CCDC60: variants seen among roughly 807,000 people sequenced by gnomAD.
CCDC60 encodes coiled-coil domain containing 60.
CCDC60 carries 54 observed loss-of-function variants against 63.5 expected under a neutral mutation model. The ratio of observed to expected loss-of-function variants is 0.85; its 90% CI spans 0.68 to 1.07. The LOEUF (loss-of-function observed/expected upper bound fraction) is 1.07, where lower values mean the gene tolerates loss of function less well. Ranked by LOEUF, CCDC60 falls within the 50% of genes least tolerant of loss-of-function variation. The pLI is 0.00. For synonymous variants in CCDC60, 206 were observed against 238.8 expected (o/e 0.86, Z 1.27); for missense variants, 651 against 684.3 (o/e 0.95, Z 0.54).
chr12:119,530,857 T>C lies in CCDC60; in HGVS notation c.1362-17T>C. On this transcript the variant is annotated splice_polypyrimidine_tract_variant and intron_variant, in intron 12 of 13. Transcript: ENST00000327554. The stretch of plus-strand genomic sequence containing the variant: ...TCCAGCAGCTTCCTAACTTGTCCTC[T>C]CCTTTTGGAATTGAAGGTACTTTGA... The C allele has an allele frequency of 6.2e-7, 1 of 1,607,424 alleles. No homozygotes were observed. The highest frequency in any genetic ancestry group is 8.5e-7 in the Non-Finnish European group (1 of 1,176,316).
intron 1 of CCDC60, among the ~76,000 whole-genome samples, chr12:119,403,234 T>C (rs926612898): frequency 2.0e-5 from 3 of 152,086 alleles, no homozygotes; most frequent in Non-Finnish European, 4.4e-5. Flanking sequence ...CTCAGACTCA[T>C]GAAAAAATAA....
intron 13 of CCDC60, among the ~76,000 whole-genome samples, chr12:119,537,282 T>C (rs1953030577): frequency 6.6e-6 from 1 of 152,208 alleles, no homozygotes; most frequent in Non-Finnish European, 1.5e-5. Flanking sequence ...GGTCTTCTCT[T>C]CACTGTTTAT....
chr12:119,399,781 T>C (rs1956355038), intron 1 of CCDC60, among the ~76,000 whole-genome samples: 1 of 152,208 alleles, frequency 6.6e-6, no homozygotes, highest in Non-Finnish European at 1.5e-5. Context: ...GGCATCCAGC[T>C]TAGCCAACTA....
intron 6 of CCDC60, among the ~76,000 whole-genome samples, chr12:119,500,633 C>A (rs777111743): frequency 8.1e-5 from 12 of 147,650 alleles, no homozygotes; most frequent in Non-Finnish European, 8.9e-5. Flanking sequence ...GCAGGAGGAT[C>A]GCTTGAGCCC....
chr12:119,459,029 C>G (rs550355555), intron 2 of CCDC60, among the ~76,000 whole-genome samples: 1 of 152,308 alleles, frequency 6.6e-6, no homozygotes, highest in East Asian at 1.9e-4. Context: ...AAGTGGATTA[C>G]AGGCGTGAAC....
intron 2 of CCDC60, among the ~76,000 whole-genome samples, chr12:119,467,279 G>A (rs1950970358): frequency 6.6e-6 from 1 of 152,240 alleles, no homozygotes; most frequent in African/African-American, 2.4e-5. Flanking sequence ...GGGCATGCCT[G>A]CCCTGCATCA....
intron 8 of CCDC60, among the ~76,000 whole-genome samples, chr12:119,518,249 A>G (rs562077489): frequency 1.2e-4 from 18 of 152,316 alleles, no homozygotes; most frequent in Non-Finnish European, 1.3e-4. Flanking sequence ...CATCAGCTCA[A>G]TGAGGCTCCT....
At chr12:119,494,033 G>A (rs697892) in intron 5 of CCDC60, among the ~76,000 whole-genome samples, 16,788 of 152,194 alleles carry the variant, frequency 0.11, 1,352 homozygotes, top group Non-Finnish European at 0.17. Flanking sequence ...TTTCTGTCAT[G>A]CTTTGCTACC....
rs144644854 is a variant in CCDC60 at position 119,533,332 on chromosome 12, G to A, written c.1551+2269G>A. Among the ~76,000 whole-genome samples the A allele has an allele frequency of 3.9e-4, 59 of 152,190 alleles. No individual in the cohort carries two copies. The East Asian group carries it at 0.011, about 29-fold the overall frequency. ...TCTAGATATTAGCCCTTTGTCAGAT[G>A]GGTAGATTGCAAAAATTTTCTCCCA... On this transcript the variant is annotated intron_variant, in intron 13 of 13. Transcript: ENST00000327554.
In CCDC60 at chr12:119,372,103, C is replaced by CA. The variant is rs1004506848; in HGVS notation, c.90+36844dup. ...TGAAACCCCATCTCTACTAAAAATA[C>CA]AAAAAAATTAGCCGGGTATGGTGGA... On this transcript the variant is annotated intron_variant, in intron 1 of 13. Transcript: ENST00000327554. 3.3e-5 allele frequency among the ~76,000 whole-genome samples: 5 copies of CA among 151,938 alleles called. No individual in the cohort carries two copies. In the South Asian group the frequency reaches 8.3e-4, roughly 25 times the overall value.
intron 2 of CCDC60, among the ~76,000 whole-genome samples, chr12:119,430,340 A>C (rs1348778322): frequency 6.6e-6 from 1 of 152,162 alleles, no homozygotes; most frequent in Non-Finnish European, 1.5e-5. Flanking sequence ...TTGGTGAAAG[A>C]GGAAGCGACA....
chr12:119,433,593 G>A, intron 2 of CCDC60: 1 of 702,340 alleles, frequency 1.4e-6, no homozygotes, highest in Non-Finnish European at 2.6e-6. Flanking sequence ...CAAACTCCCT[G>A]ACCCCATATC....
At position 119,508,065 on chromosome 12, in the gene CCDC60, G is replaced by A. The variant is rs146184820; in HGVS notation, c.883+2762G>A. Among the ~76,000 whole-genome samples, 81 of 152,164 alleles carry A rather than the reference G, an allele frequency of 5.3e-4. No homozygotes were observed. The East Asian group carries it at 0.011, about 21-fold the overall frequency. On this transcript the variant is annotated intron_variant, in intron 7 of 13. Transcript: ENST00000327554. ...ACATGCCTGTAGTCCTAGCTACTTG[G>A]GAGGCTGAGGTCGGGGGATCACTTG...
intron 9 of CCDC60, among the ~76,000 whole-genome samples, chr12:119,520,451 C>T (rs1156646538): frequency 2.0e-5 from 3 of 151,848 alleles, no homozygotes; most frequent in African/African-American, 7.3e-5. Flanking sequence ...GGACGCGGTA[C>T]AAGACTATGT....
chr12:119,471,864 TTC>T (rs1951066279), intron 2 of CCDC60, 128 bp from the exon 3 acceptor site: 2 of 662,764 alleles, frequency 3.0e-6, no homozygotes, highest in South Asian at 5.2e-5. Flanking sequence ...ACCTGTTTCT[TTC>T]TCTCTATCCC....
chr12:119,391,302 C>G (rs955531881), intron 1 of CCDC60, among the ~76,000 whole-genome samples: 1 of 152,222 alleles, frequency 6.6e-6, no homozygotes, highest in Non-Finnish European at 1.5e-5. Context: ...ATGCCATCCA[C>G]GTCTGGGTGC....
chr12:119,394,566 C>G (rs945879207), intron 1 of CCDC60, among the ~76,000 whole-genome samples: 3 of 152,172 alleles, frequency 2.0e-5, no homozygotes, highest in Non-Finnish European at 4.4e-5. Context: ...ATGAATACCC[C>G]CATGGATGCA....
Position 119,410,805 on chromosome 12 carries a change from C to T in CCDC60, c.91-17878C>T, listed in dbSNP as rs750517369. 5.3e-5 allele frequency among the ~76,000 whole-genome samples: 8 copies of T among 152,128 alleles called. No individual in the cohort carries two copies. The highest frequency in any genetic ancestry group is 1.0e-4 in the Non-Finnish European group (7 of 68,032). The stretch of plus-strand genomic sequence containing the variant: ...TCACTCGGGCTGCAGTGCGGTGGCG[C>T]GATCTCAGCTCACTGCAGCCTCTGC... On this transcript the variant is annotated intron_variant, in intron 1 of 13. Transcript: ENST00000327554. The surrounding 1 kb of genome is among the most constrained non-coding windows in gnomAD (Gnocchi z 4.0).
At chr12:119,481,648 T>C (rs1951320926) in intron 4 of CCDC60, among the ~76,000 whole-genome samples, 1 of 152,016 alleles carries the variant, frequency 6.6e-6, no homozygotes, top group African/African-American at 2.4e-5. Context: ...ACAGGTGGTG[T>C]TTGGTTACAT....
Sources: gnomAD v4.1 joint callset for allele counts (sites outside exome capture counted in the v4.1 genomes callset) on GRCh38, gnomAD v4.1.1 for gene constraint, Gnocchi (gnomAD v3.1) non-coding constraint, MANE v1.5 for transcripts, NCBI Gene and HGNC (gene_info 2026-07-23, HGNC 2026-07-21) for gene names.